PRICKLE2: variants seen among roughly 807,000 people sequenced by gnomAD.
PRICKLE2 encodes prickle-like protein 2.
A neutral mutation model predicts 81.4 loss-of-function variants in PRICKLE2; 21 were observed. That is an observed-to-expected ratio of 0.26 (90% CI 0.18 to 0.37). The LOEUF is 0.37. Among genes scored for constraint, PRICKLE2 ranks in the 10% least tolerant of loss-of-function variants. The pLI, the probability that PRICKLE2 is intolerant of heterozygous loss-of-function variation, is 1.00. For synonymous variants in PRICKLE2, 456 were observed against 421.5 expected (o/e 1.08, Z -1.00); for missense variants, 940 against 1,109.0 (o/e 0.85, Z 2.16).
At chr3:64,169,573 G>A (rs548609825) in intron 2 of PRICKLE2, among the ~76,000 whole-genome samples, 1 of 152,214 alleles carries the variant, frequency 6.6e-6, no homozygotes, top group Admixed American at 6.5e-5. Context: ...AAGGAGGCCA[G>A]AACTATGCAC....
chr3:64,119,703 C>T (rs550178803), intron 7 of PRICKLE2, among the ~76,000 whole-genome samples: 8 of 152,218 alleles, frequency 5.3e-5, no homozygotes, highest in East Asian at 1.9e-4. Flanking sequence ...ATCCCATTAC[C>T]GGGTATATAT....
intron 6 of PRICKLE2, among the ~76,000 whole-genome samples, chr3:64,152,008 C>A (rs1385023110): frequency 5.3e-5 from 8 of 152,324 alleles, no homozygotes; most frequent in Non-Finnish European, 1.2e-4. Flanking sequence ...TGCCCAATGA[C>A]AAAGCACCGT....
At chr3:64,107,509 C>T (rs148557546) in intron 7 of PRICKLE2, among the ~76,000 whole-genome samples, 1 of 152,266 alleles carries the variant, frequency 6.6e-6, no homozygotes, top group Admixed American at 6.5e-5. Context: ...TCTTATCCCA[C>T]TCCGCACCAG....
At chr3:64,260,180 C>T (rs1463115285) in intron 2 of PRICKLE2, among the ~76,000 whole-genome samples, 1 of 152,152 alleles carries the variant, frequency 6.6e-6, no homozygotes, top group African/African-American at 2.4e-5. Context: ...CTTGACCAGC[C>T]TCAGAACTCT....
chr3:64,225,467 G>A, upstream of PRICKLE2: 2 of 985,186 alleles, frequency 2.0e-6, no homozygotes, highest in Non-Finnish European at 2.4e-6. Context: ...CTGTTGCAGT[G>A]CTTGCATCCT....
In PRICKLE2 at chr3:64,146,847, G is replaced by A; in HGVS notation, c.1643C>T (p.Ala548Val). 3 of 1,614,114 alleles carry A rather than the reference G, an allele frequency of 1.9e-6. No homozygotes were observed. The highest frequency in any genetic ancestry group is 2.5e-6 in the Non-Finnish European group (3 of 1,180,010). ...GAACCTACCTGTTGCATTAGACAGGGCCAGGGATTCCATGGAGCCCCGAGG... is the reference window on the plus strand; with the variant it reads ...GAACCTACCTGTTGCATTAGACAGGACCAGGGATTCCATGGAGCCCCGAGG... The part of the protein sequence containing the change: ...QTPRGSMESL[A>V]LSNATGLSAD... Residue 548 changes from alanine (A) to valine (V), a missense_variant, in exon 7 of 8, where the codon GCC (alanine) becomes GTC (valine). Ala to Val is a moderately conservative substitution (Grantham distance 64). This residue lies in a region of PRICKLE2 where 670 missense variants were observed against 717.2 expected (regional missense o/e 0.93). Transcript: ENST00000638394.
intron 3 of PRICKLE2, among the ~76,000 whole-genome samples, chr3:64,161,691 TTC>T (rs963966447): frequency 6.8e-6 from 1 of 146,318 alleles, no homozygotes; most frequent in East Asian, 2.0e-4. Flanking sequence ...AGCCAATCCC[TTC>T]TCTCTGTCAA....
intron 7 of PRICKLE2, among the ~76,000 whole-genome samples, chr3:64,113,893 G>A (rs830353): frequency 0.77 from 116,773 of 151,966 alleles, 46,676 homozygotes; most frequent in Non-Finnish European, 0.87. Context: ...TCCAGCAGGG[G>A]CCCCCCACTC....
At chr3:64,246,364 G>A (rs1159283489) in intron 2 of PRICKLE2, among the ~76,000 whole-genome samples, 1 of 152,194 alleles carries the variant, frequency 6.6e-6, no homozygotes, top group Admixed American at 6.5e-5. Context: ...ACAGAGCCCT[G>A]AAGTTGGAAA....
At chr3:64,135,169 C>T (rs1006263867) in intron 7 of PRICKLE2, among the ~76,000 whole-genome samples, 9 of 152,302 alleles carry the variant, frequency 5.9e-5, no homozygotes, top group African/African-American at 2.2e-4. Flanking sequence ...GCAAGAATCC[C>T]TCAGACTTAG....
intron 2 of PRICKLE2, among the ~76,000 whole-genome samples, chr3:64,259,042 C>T (rs1327354915): frequency 6.6e-6 from 1 of 152,018 alleles, no homozygotes; most frequent in Non-Finnish European, 1.5e-5. Flanking sequence ...GATAAGTTCA[C>T]TCTCCTATAT....
intron 7 of PRICKLE2, chr3:64,103,597 C>G (rs529505977): frequency 6.6e-6 from 1 of 152,246 alleles, no homozygotes; most frequent in East Asian, 1.9e-4. Context: ...TAAAACAATA[C>G]ACATGTGTAA....
chr3:64,230,252 C>T (rs189131819), upstream of PRICKLE2, among the ~76,000 whole-genome samples: 22 of 152,204 alleles, frequency 1.4e-4, no homozygotes, highest in East Asian at 3.7e-3. Flanking sequence ...CCATAGCTGT[C>T]CATTTTAATT....
chr3:64,153,679 A>G (rs1274634148), intron 5 of PRICKLE2: 1 of 363,382 alleles, frequency 2.8e-6, no homozygotes, highest in African/African-American at 2.1e-5. Flanking sequence ...TCACAGGCAC[A>G]TTGGACATAC....
At chr3:64,137,843 C>G (rs1051528482) in intron 7 of PRICKLE2, among the ~76,000 whole-genome samples, 2 of 152,146 alleles carry the variant, frequency 1.3e-5, no homozygotes, top group Non-Finnish European at 2.9e-5. Context: ...CAACAGGGCA[C>G]AGCTTCCTTG....
chr3:64,167,888 G>C (rs143028040), intron 2 of PRICKLE2, among the ~76,000 whole-genome samples: 8 of 152,286 alleles, frequency 5.3e-5, no homozygotes, highest in African/African-American at 1.9e-4. Flanking sequence ...AGGTCCTGCT[G>C]TTAGTCCAGG....
At chr3:64,229,856 CATGTAAGTTGGTCTAGCATAGGTG>C (rs2079077201), upstream of PRICKLE2, among the ~76,000 whole-genome samples, 1 of 152,180 alleles carries the variant, frequency 6.6e-6, no homozygotes. Context: ...AAAGAACTGT[CATGTAAGTTGGTCTAGCATAGGTG>C]ATGATGCAGT....
intron 2 of PRICKLE2, among the ~76,000 whole-genome samples, chr3:64,251,257 G>T (rs1304750707): frequency 6.6e-6 from 1 of 152,108 alleles, no homozygotes; most frequent in Non-Finnish European, 1.5e-5. Flanking sequence ...AACCATCCCC[G>T]CTCCAGGTAG....
chr3:64,199,726 T>C (rs1416720041), intron 1 of PRICKLE2: 1 of 152,202 alleles, frequency 6.6e-6, no homozygotes, highest in Non-Finnish European at 1.5e-5. Context: ...TACCATCTGT[T>C]CTCTTATCCA....
Sources: allele counts gnomAD v4.1 joint callset (sites outside exome capture counted in the v4.1 genomes callset), GRCh38; gene constraint gnomAD v4.1.1; regional missense constraint gnomAD v4.1.1; transcripts MANE v1.5; gene names NCBI Gene and HGNC (gene_info 2026-07-23, HGNC 2026-07-21).